The following DZANK1 variants were observed in gnomAD, a reference collection of about 807,000 sequenced individuals.
The protein encoded by DZANK1 is double zinc ribbon and ankyrin repeat domains 1.
In DZANK1, 91 loss-of-function variants were observed where a neutral mutation model predicts 94.5. The ratio of observed to expected loss-of-function variants is 0.96; its 90% CI spans 0.81 to 1.15. DZANK1 has a LOEUF of 1.15. Ranked by LOEUF, DZANK1 falls within the 50% of genes most tolerant of loss-of-function variation. The pLI, the probability that DZANK1 is intolerant of heterozygous loss-of-function variation, is 0.00. For missense variants in DZANK1, 903 were observed against 916.4 expected, an observed-to-expected ratio of 0.99 and a Z score of 0.19; for synonymous variants, 312 against 325.3, an observed-to-expected ratio of 0.96 and a Z score of 0.44.
At chr20:18,389,497 C>G (rs906574663) in intron 19 of DZANK1, among the ~76,000 whole-genome samples, 4 of 152,204 alleles carry the variant, frequency 2.6e-5, no homozygotes, top group African/African-American at 9.7e-5. Flanking sequence ...ATTAGGCAAT[C>G]CAACAGTCCA....
At chr20:18,384,235 T>G in exon 21 of DZANK1, 2 of 636,344 alleles carry the variant, frequency 3.1e-6, no homozygotes, top group Non-Finnish European at 2.5e-6. Flanking sequence ...AATTTTGTAT[T>G]TTTAGTAGAG....
intron 14 of DZANK1, 130 bp downstream of exon 14, chr20:18,398,393 A>G (rs1221316073): frequency 1.3e-6 from 1 of 769,824 alleles, no homozygotes; most frequent in African/African-American, 1.7e-5. Context: ...CAGAAGAGTA[A>G]GAAAGTGTAG....
chr20:18,464,410 G>T (rs1297101195), intron 2 of DZANK1, among the ~76,000 whole-genome samples: 2 of 152,080 alleles, frequency 1.3e-5, no homozygotes, highest in Admixed American at 6.6e-5. Flanking sequence ...ATTACTATAT[G>T]CCAAACCCTG....
intron 10 of DZANK1, among the ~76,000 whole-genome samples, chr20:18,425,156 G>A (rs972368142): frequency 2.0e-5 from 3 of 152,116 alleles, no homozygotes; most frequent in African/African-American, 7.2e-5. Flanking sequence ...AATTAAAATA[G>A]GTGAATTTTA....
At chr20:18,398,654 T>C in intron 13 of DZANK1, 28 bp from the exon 14 acceptor site, 1 of 1,591,728 alleles carries the variant, frequency 6.3e-7, no homozygotes, top group Non-Finnish European at 8.6e-7. Context: ...CCCCGCCATC[T>C]GGATGATTCT....
At chr20:18,436,539 T>G (rs1165341667) in intron 8 of DZANK1, among the ~76,000 whole-genome samples, 1 of 151,266 alleles carries the variant, frequency 6.6e-6, no homozygotes, top group Non-Finnish European at 1.5e-5. Flanking sequence ...CAACAGAAAT[T>G]ATCTAATCTG....
chr20:18,393,230 G>A (rs1355825316), intron 17 of DZANK1, among the ~76,000 whole-genome samples: 1 of 152,116 alleles, frequency 6.6e-6, no homozygotes, highest in Non-Finnish European at 1.5e-5. Flanking sequence ...ACCACCAGAG[G>A]AAGACCTTTT....
chr20:18,429,896 C>T (rs1255470301), intron 9 of DZANK1, among the ~76,000 whole-genome samples: 5 of 152,094 alleles, frequency 3.3e-5, no homozygotes, highest in Non-Finnish European at 4.4e-5. Context: ...ATGTCTGTGG[C>T]GGTGATTTGG....
chr20:18,402,570 T>C (rs1263405859), intron 13 of DZANK1, among the ~76,000 whole-genome samples: 1 of 152,010 alleles, frequency 6.6e-6, no homozygotes, highest in Non-Finnish European at 1.5e-5. Flanking sequence ...GTAGAAGTAA[T>C]GCAAACTCTG....
Position 18,455,283 on chromosome 20 carries a change from G to A in DZANK1, c.342C>T (p.Asp114=), listed in dbSNP as rs772684569. Residue 114 remains aspartate (D), a synonymous_variant, in exon 4 of 21, where the codon GAC becomes GAT. Coordinates refer to ENST00000262547, the Ensembl canonical transcript of DZANK1. ...AATCTTTGAGAACATTTTCAACATT[G>A]TCTTCAGGAGAGACTATATTTGGTG... 5 of 1,608,262 alleles carry A rather than the reference G, an allele frequency of 3.1e-6. No individual in the cohort carries two copies. In the South Asian group the frequency reaches 4.5e-5, roughly 14 times the overall value.
intron 19 of DZANK1, among the ~76,000 whole-genome samples, chr20:18,386,975 C>T (rs1050373551): frequency 1.3e-5 from 2 of 152,166 alleles, no homozygotes; most frequent in African/African-American, 4.8e-5. Flanking sequence ...CTGATAAAGA[C>T]ATACCCAAGA....
chr20:18,425,657 G>C (rs2058007260), intron 10 of DZANK1, among the ~76,000 whole-genome samples: 1 of 152,166 alleles, frequency 6.6e-6, no homozygotes, highest in Non-Finnish European at 1.5e-5. Context: ...CTCAGAATGG[G>C]ACCTTATTTG....
At chr20:18,390,255 C>T (rs1484186603) in intron 18 of DZANK1, 124 bp downstream of exon 18, 19 of 861,166 alleles carry the variant, frequency 2.2e-5, no homozygotes, top group Middle Eastern at 2.2e-4. Context: ...CACTATATCC[C>T]GGGTTTTTAA....
intron 19 of DZANK1, among the ~76,000 whole-genome samples, chr20:18,386,457 T>C (rs1361518079): frequency 6.6e-6 from 1 of 152,234 alleles, no homozygotes; most frequent in Non-Finnish European, 1.5e-5. Flanking sequence ...AAAATCTAAC[T>C]GGTATCTGCA....
chr20:18,431,535 G>A (rs1204819580), intron 9 of DZANK1, among the ~76,000 whole-genome samples: 1 of 152,240 alleles, frequency 6.6e-6, no homozygotes, highest in Non-Finnish European at 1.5e-5. Flanking sequence ...TCACCCTTAT[G>A]ACATCTGGGA....
chr20:18,399,001 G>A (rs1209539956), intron 13 of DZANK1, among the ~76,000 whole-genome samples: 4 of 151,860 alleles, frequency 2.6e-5, no homozygotes, highest in Non-Finnish European at 4.4e-5. Context: ...GCATGGTGGC[G>A]TGCACCTGTA....
In DZANK1 at chr20:18,433,664, G is replaced by T. The variant is rs761133047; in HGVS notation, c.849C>A (p.Ser283Arg). Residue 283 changes from serine to arginine, a missense_variant, in exon 9 of 21, where the codon AGC (serine) becomes AGA (arginine). Transcript: ENST00000262547. ...CACATTTCATTACCTTCAAGTGGAG[G>T]CTTGCCTGTGGCTGCAGCTGTAGAG... 2.5e-6 allele frequency: 4 copies of T among 1,613,712 alleles called. No individual in the cohort carries two copies. The East Asian group carries it at 8.9e-5, about 36-fold the overall frequency.
chr20:18,443,292 C>A, intron 8 of DZANK1, 55 bp downstream of exon 8: 1 of 1,186,540 alleles, frequency 8.4e-7, no homozygotes. Flanking sequence ...GTTACTGCTG[C>A]AAATAAAGAT....
chr20:18,448,411 G>T (rs926801521), intron 7 of DZANK1, among the ~76,000 whole-genome samples: 1 of 151,950 alleles, frequency 6.6e-6, no homozygotes, highest in Non-Finnish European at 1.5e-5. Context: ...TACCAAATAG[G>T]GTACAATGTA....
Sources: allele counts gnomAD v4.1 joint callset (sites outside exome capture counted in the v4.1 genomes callset), GRCh38; gene constraint gnomAD v4.1.1; transcripts MANE v1.5; gene names NCBI Gene and HGNC (gene_info 2026-07-23, HGNC 2026-07-21).